The following FBXW2 variants were observed in gnomAD, a reference collection of about 807,000 sequenced individuals.
FBXW2 encodes the protein F-box and WD repeat domain containing 2.
A neutral mutation model predicts 46.0 loss-of-function variants in FBXW2; 12 were observed. The observed-to-expected ratio is 0.26, with a 90% CI of 0.17 to 0.42. The LOEUF (loss-of-function observed/expected upper bound fraction) is 0.42. FBXW2 is among the 10% of genes least tolerant of loss of function. The pLI is 1.00. For missense variants in FBXW2, 360 were observed against 537.0 expected (o/e 0.67, Z 3.26); for synonymous variants, 203 against 209.6 (o/e 0.97, Z 0.27).
At position 120,784,506 on chromosome 9, in the gene FBXW2, C is replaced by T. The variant is rs189492206; in HGVS notation, c.490+3263G>A. 7.3e-4 allele frequency among the ~76,000 whole-genome samples: 110 copies of T among 151,514 alleles called. 1 individual carries two copies. The highest frequency in any genetic ancestry group is 5.4e-3 in the South Asian group (26 of 4,790). On this transcript the variant is annotated intron_variant, in intron 3 of 7. Transcript: ENST00000608872. ...GCTCGCTTGTAGTCCCAGCTAAACC[C>T]GGGAGGCTGACATGGGAGGATCACC... is the stretch of plus-strand genomic sequence containing the variant.
intron 4 of FBXW2, chr9:120,776,543 T>C (rs2044500645): frequency 8.7e-6 from 2 of 228,860 alleles, no homozygotes; most frequent in African/African-American, 2.3e-5. Context: ...CACAATACTT[T>C]ATCTAATTTA....
chr9:120,790,754 G>A (rs1292516711), intron 2 of FBXW2, among the ~76,000 whole-genome samples: 2 of 152,060 alleles, frequency 1.3e-5, no homozygotes, highest in Non-Finnish European at 2.9e-5. Context: ...ACTATAATAT[G>A]CCAAATTCAC....
intron 3 of FBXW2, among the ~76,000 whole-genome samples, chr9:120,783,209 G>A (rs1265504406): frequency 6.6e-6 from 1 of 152,040 alleles, no homozygotes; most frequent in Non-Finnish European, 1.5e-5. Context: ...AGGTTGAGTC[G>A]AGTTCCATTT....
intron 7 of FBXW2, among the ~76,000 whole-genome samples, chr9:120,765,838 T>C (rs1433940037): frequency 6.6e-6 from 1 of 151,942 alleles, no homozygotes; most frequent in Non-Finnish European, 1.5e-5. Context: ...CAGAGAAAAG[T>C]AGGGAGTTGG....
At position 120,762,897 on chromosome 9, in the gene FBXW2, A is replaced by C. The variant is rs10985030; in HGVS notation, c.*1662T>G. On this transcript the variant is annotated 3_prime_UTR_variant, in exon 8 of 8. Coordinates refer to ENST00000608872, the MANE Select transcript of FBXW2 (RefSeq NM_012164.4). Reference sequence around the variant, plus strand: ...CCCACCACCCTTGTAATACAAGGGGAGACAGCTGAAGAGCGGCTGAGATTT... The same window carrying C: ...CCCACCACCCTTGTAATACAAGGGGCGACAGCTGAAGAGCGGCTGAGATTT... 0.12 allele frequency: 18,281 copies of C among 152,192 alleles called. 1,249 individuals carry two copies. Among genetic ancestry groups the C allele is most frequent in the Middle Eastern group, 0.17 (49 of 294 alleles). The allele number at this position is 152,192 out of a possible 1,614,324, so 9.4% of individuals were successfully genotyped here.
intron 2 of FBXW2, among the ~76,000 whole-genome samples, chr9:120,791,668 C>A (rs992025824): frequency 6.6e-6 from 1 of 152,212 alleles, no homozygotes. Context: ...ACCCTATCAT[C>A]TTATCACTAA....
Position 120,760,869 on chromosome 9 carries a change from TAGAG to T in FBXW2, c.*3686_*3689del, listed in dbSNP as rs1380874213. On this transcript the variant is annotated 3_prime_UTR_variant, in exon 8 of 8. Transcript: ENST00000608872. ...AAAGTTATTTCTTTTGTTTTACAAA[TAGAG>T]AGCAGTAATCATTTTCCTATGAATA... The T allele has an allele frequency of 6.6e-6, 1 of 152,200 alleles. No homozygotes were observed. Among genetic ancestry groups the T allele is most frequent in the Non-Finnish European group, 1.5e-5 (1 of 68,026 alleles). The allele number at this position is 152,200 out of a possible 1,614,324, so 9.4% of individuals were successfully genotyped here.
In FBXW2 at chr9:120,764,680, A is replaced by G; in HGVS notation, c.1244T>C (p.Phe415Ser). The part of the protein sequence containing the change: ...EYRKSKRGSS[F>S]LAGEASWLNG... ...CAGCCAGGATGCTTCGCCTGCCAGG[A>G]AGCTTGAGCCTCTCTTTGATTTCCT... is the stretch of plus-strand genomic sequence containing the variant. The change falls in exon 8 of 8, where the codon TTC (phenylalanine) becomes TCC (serine). Residue 415 changes from phenylalanine (F) to serine (S), a missense_variant. Physicochemically the swap from Phe to Ser is radical, Grantham distance 155. Coordinates refer to ENST00000608872, the MANE Select transcript of FBXW2 (RefSeq NM_012164.4). The G allele has an allele frequency of 6.2e-7, 1 of 1,614,208 alleles. No homozygotes were observed. The highest frequency in any genetic ancestry group is 8.5e-7 in the Non-Finnish European group (1 of 1,180,036).
chr9:120,775,476 G>C (rs922582616), intron 5 of FBXW2, among the ~76,000 whole-genome samples: 5 of 152,022 alleles, frequency 3.3e-5, no homozygotes, highest in African/African-American at 1.2e-4. Flanking sequence ...GTAAGGACTG[G>C]GTCTATTTTG....
rs2044150961 is a variant in FBXW2 at position 120,758,324 on chromosome 9, G to C, written c.*6235C>G. The C allele has an allele frequency of 6.6e-6, 1 of 152,190 alleles. No homozygotes were observed. Among genetic ancestry groups the C allele is most frequent in the Admixed American group, 6.5e-5 (1 of 15,284 alleles). The allele number at this position is 152,190 out of a possible 1,614,324, so 9.4% of individuals were successfully genotyped here. A position where few individuals can be genotyped will look rare whatever the true frequency, so the allele number is the denominator to read the frequency against. On this transcript the variant is annotated 3_prime_UTR_variant, in exon 8 of 8. Transcript: ENST00000608872. ...CGAGGATGGGAGATTAACACCCAAA[G>C]CGCAAGGGTGGAAATAAATAGAGGA... is the stretch of plus-strand genomic sequence containing the variant.
Position 120,776,196 on chromosome 9 carries a change from T to C in FBXW2, c.716A>G (p.Asp239Gly). The change falls in exon 5 of 8, where the codon GAT becomes GGT. Residue 239 changes from aspartate (D) to glycine (G), a missense_variant. Transcript: ENST00000608872. The stretch of plus-strand genomic sequence containing the variant: ...GTCTGCAGAGCCGCTCACCAAGATA[T>C]CCAGTTCATCATTGTAGTCCACGCT... Reference protein sequence around the residue: ...VFSVDYNDELDILVSGSADFT... With the variant: ...VFSVDYNDELGILVSGSADFT... 2 of 1,614,164 alleles carry C rather than the reference T, an allele frequency of 1.2e-6. No individual in the cohort carries two copies. Among genetic ancestry groups the C allele is most frequent in the Non-Finnish European group, 1.7e-6 (2 of 1,180,028 alleles).
Position 120,764,601 on chromosome 9 carries a change from A to G in FBXW2, c.1323T>C (p.Pro441=). Residue 441 remains proline, a synonymous_variant, in exon 8 of 8, where the codon CCT becomes CCC. Transcript: ENST00000608872. ...DTGLVFATSM[P]DHSIHLVLWK... ...ACAACACCAGGTGAATACTGTGGTC[A>G]GGCATGCTGGTGGCAAAGACCAAGC... 2 of 1,614,198 alleles carry G rather than the reference A, an allele frequency of 1.2e-6. No individual in the cohort carries two copies. Among genetic ancestry groups the G allele is most frequent in the African/African-American group, 2.7e-5 (2 of 75,052 alleles).
chr9:120,762,768 A>T lies in FBXW2; in HGVS notation c.*1791T>A, dbSNP rs921694859. 2 of 152,268 alleles carry T rather than the reference A, an allele frequency of 1.3e-5. No individual in the cohort carries two copies. The highest frequency in any genetic ancestry group is 6.5e-5 in the Admixed American group (1 of 15,282). 9.4% of individuals were successfully genotyped at this position (152,268 alleles called of 1,614,324 possible). ...ATGCTTTATACTGGAGTCAGCAAGA[A>T]GGAATAACTCATGTTCCCAGACATA... On this transcript the variant is annotated 3_prime_UTR_variant, in exon 8 of 8. Transcript: ENST00000608872.
At chr9:120,765,594 A>G (rs532648089) in intron 7 of FBXW2, among the ~76,000 whole-genome samples, 58 of 152,352 alleles carry the variant, frequency 3.8e-4, no homozygotes, top group South Asian at 3.5e-3. Flanking sequence ...AGGTAAAAAG[A>G]TGTATTCATC....
intron 7 of FBXW2, among the ~76,000 whole-genome samples, chr9:120,765,451 A>T (rs976943417): frequency 6.6e-6 from 1 of 152,212 alleles, no homozygotes; most frequent in Non-Finnish European, 1.5e-5. Flanking sequence ...GATCTTACAG[A>T]TAACATTTAA....
At chr9:120,782,300 T>C (rs1054289077) in intron 3 of FBXW2, among the ~76,000 whole-genome samples, 3 of 151,500 alleles carry the variant, frequency 2.0e-5, no homozygotes, top group Admixed American at 6.6e-5. Context: ...ACCCCGTCTG[T>C]ACTAAAAATA....
rs553259389 is a variant in FBXW2, at chr9:120,786,864, T to C, written c.490+905A>G. ...CGTCCATTACAAATGGAAAATAACA[T>C]ATAATTTTAAATTTTTAATAATTAT... is the stretch of plus-strand genomic sequence containing the variant. On this transcript the variant is annotated intron_variant, in intron 3 of 7. Transcript: ENST00000608872. Among the ~76,000 whole-genome samples the C allele has an allele frequency of 9.8e-5, 15 of 152,298 alleles. No individual in the cohort carries two copies. The South Asian group carries it at 3.1e-3, about 32-fold the overall frequency.
intron 2 of FBXW2, among the ~76,000 whole-genome samples, chr9:120,789,969 ACAAAAAATAAT>A (rs1477674697): frequency 6.6e-6 from 1 of 152,246 alleles, no homozygotes; most frequent in African/African-American, 2.4e-5. Context: ...TACCTAGCTG[ACAAAAAATAAT>A]CAGATGGCTA....
intron 7 of FBXW2, among the ~76,000 whole-genome samples, chr9:120,768,821 C>CA (rs2044320884): frequency 1.4e-5 from 2 of 146,422 alleles, no homozygotes; most frequent in African/African-American, 2.5e-5. Context: ...GACTCTGTCT[C>CA]AAAAAAACAT....
Sources: allele counts gnomAD v4.1 joint callset (sites outside exome capture counted in the v4.1 genomes callset), GRCh38; gene constraint gnomAD v4.1.1; transcripts MANE v1.5; gene names NCBI Gene and HGNC (gene_info 2026-07-23, HGNC 2026-07-21).